The following RNF32 variants were observed in gnomAD, a reference collection of about 807,000 sequenced individuals.
RNF32 encodes ring finger protein 32.
In RNF32, 36 loss-of-function variants were observed where a neutral mutation model predicts 41.0. The ratio of observed to expected loss-of-function variants is 0.88; its 90% confidence interval spans 0.67 to 1.16. The LOEUF (loss-of-function observed/expected upper bound fraction) is 1.16. Ranked by LOEUF, RNF32 falls within the 50% of genes most tolerant of loss-of-function variation. RNF32 has a pLI of 0.00. For synonymous variants in RNF32, 154 were observed against 160.9 expected (o/e 0.96, Z 0.32); for missense variants, 413 against 436.7 (o/e 0.95, Z 0.48).
At position 156,659,586 on chromosome 7, in the gene RNF32, A is replaced by G. The variant is rs115668574; in HGVS notation, c.684+1016A>G. 48 of 957,136 alleles carry G rather than the reference A, an allele frequency of 5.0e-5. No homozygotes were observed. The African/African-American group carries it at 8.1e-4, about 16-fold the overall frequency. The allele number at this position is 957,136 out of a possible 1,614,324, so 59.3% of individuals were successfully genotyped here. On this transcript the variant is annotated intron_variant, in intron 7 of 8. Transcript: ENST00000317955. The stretch of plus-strand genomic sequence containing the variant: ...GTGATTTTTTGTCACCTCTTATACA[A>G]TTTTAATTACAGATTTGATAGTCAT...
chr7:156,653,044 T>G (rs1399942064), intron 3 of RNF32, among the ~76,000 whole-genome samples: 1 of 152,218 alleles, frequency 6.6e-6, no homozygotes, highest in Non-Finnish European at 1.5e-5. Context: ...CTGTTTATGA[T>G]GTCTACAGTG....
rs114138683 is a variant in RNF32, at chr7:156,652,120, C to T, written c.275-2456C>T. 4.2e-3 allele frequency among the ~76,000 whole-genome samples: 643 copies of T among 152,334 alleles called. 8 individuals are homozygous for T. Among genetic ancestry groups the T allele is most frequent in the African/African-American group, 0.015 (618 of 41,574 alleles). On this transcript the variant is annotated intron_variant, in intron 3 of 8. Coordinates refer to ENST00000317955, the MANE Select transcript of RNF32 (RefSeq NM_030936.4). The stretch of plus-strand genomic sequence containing the variant: ...TAACAATGTCTTTGCTCTTTTCTCA[C>T]ATTTGATTGATAGCTAATAAGGAAT...
chr7:156,649,341 T>C (rs4716437), intron 3 of RNF32, among the ~76,000 whole-genome samples: 51,208 of 151,916 alleles, frequency 0.34, 9,349 homozygotes, highest in African/African-American at 0.47. Flanking sequence ...TCTGAGTAAG[T>C]TGATCTCTGC....
At chr7:156,658,278 C>A in intron 6 of RNF32, 26 bp downstream of exon 6, 1 of 1,611,078 alleles carries the variant, frequency 6.2e-7, no homozygotes, top group African/African-American at 1.3e-5. Flanking sequence ...CCGTTTGGCG[C>A]TAAGCAGACA....
Position 156,670,799 on chromosome 7 carries a change from T to C in RNF32, c.685-4897T>C, listed in dbSNP as rs1479978548. On this transcript the variant is annotated intron_variant, in intron 7 of 8. Transcript: ENST00000317955. The surrounding 1 kb of genome is among the most constrained non-coding windows in gnomAD (Gnocchi z 4.3). ...GGCAAAAGAAAAGCCAGACAAAAAG[T>C]GTGCCACTAGAACGTCTTCGTTAAA... is the stretch of plus-strand genomic sequence containing the variant. 6.6e-6 allele frequency among the ~76,000 whole-genome samples: 1 copy of C among 152,150 alleles called. No homozygotes were observed. The highest frequency in any genetic ancestry group is 1.5e-5 in the Non-Finnish European group (1 of 68,030).
At chr7:156,661,614 GCCT>G (rs2131543550) in intron 7 of RNF32, among the ~76,000 whole-genome samples, 1 of 152,268 alleles carries the variant, frequency 6.6e-6, no homozygotes, top group East Asian at 1.9e-4. Flanking sequence ...AGCCACCATG[GCCT>G]GGCCAGGATT....
At chr7:156,655,777 C>G (rs1799573110) in intron 4 of RNF32, among the ~76,000 whole-genome samples, 1 of 152,174 alleles carries the variant, frequency 6.6e-6, no homozygotes, top group African/African-American at 2.4e-5. Flanking sequence ...CACAAATTGT[C>G]TAGGATAATT....
chr7:156,664,739 T>C (rs76371444), intron 7 of RNF32, among the ~76,000 whole-genome samples: 2,815 of 152,284 alleles, frequency 0.018, 88 homozygotes, highest in African/African-American at 0.065. Context: ...GTAAAGAAAG[T>C]CATCATCATC....
chr7:156,655,239 GCA>G (rs57235616), intron 4 of RNF32, among the ~76,000 whole-genome samples: 7,078 of 147,786 alleles, frequency 0.048, 376 homozygotes, highest in East Asian at 0.13. Context: ...ACACGCGCGC[GCA>G]CACACACACA....
intron 1 of RNF32, among the ~76,000 whole-genome samples, chr7:156,643,330 G>A (rs1563064603): frequency 3.3e-5 from 5 of 152,264 alleles, no homozygotes; most frequent in South Asian, 2.1e-4. Flanking sequence ...TTCCTCTTGC[G>A]TTCCAGTTTC....
At chr7:156,642,550 G>A (rs1403695788) in intron 1 of RNF32, among the ~76,000 whole-genome samples, 1 of 152,228 alleles carries the variant, frequency 6.6e-6, no homozygotes, top group Non-Finnish European at 1.5e-5. Context: ...ATCTCTGTGT[G>A]AATACCGTAT....
At position 156,654,591 on chromosome 7, in the gene RNF32, T is replaced by C. The variant is rs775680141; in HGVS notation, c.290T>C (p.Leu97Pro). 1.4e-5 allele frequency: 23 copies of C among 1,614,074 alleles called. No individual in the cohort carries two copies. The highest frequency in any genetic ancestry group is 1.9e-5 in the Non-Finnish European group (23 of 1,179,920). ...CTTACTTTAGCACAGAAGTTGGGCCTCATTGGGCCTCCACCACCTCCACTG... is the reference window on the plus strand; with the variant it reads ...CTTACTTTAGCACAGAAGTTGGGCCCCATTGGGCCTCCACCACCTCCACTG... ...PPLTLAQKLG[L>P]IGPPPPPLSS... Residue 97 changes from leucine to proline, a missense_variant, in exon 4 of 9, where the codon CTC becomes CCC. Physicochemically the swap from Leu to Pro is moderately conservative, Grantham distance 98 (BLOSUM62 -3). Coordinates refer to ENST00000317955, the MANE Select transcript of RNF32 (RefSeq NM_030936.4).
At chr7:156,671,667 C>T (rs151235843) in intron 7 of RNF32, among the ~76,000 whole-genome samples, 12 of 152,220 alleles carry the variant, frequency 7.9e-5, no homozygotes, top group Admixed American at 5.2e-4. Flanking sequence ...GCGGTACAGG[C>T]GGTCCTGTCG....
At chr7:156,675,504 C>A (rs540719540) in intron 7 of RNF32, among the ~76,000 whole-genome samples, 192 bp from the exon 8 acceptor site, 11 of 152,108 alleles carry the variant, frequency 7.2e-5, no homozygotes, top group Non-Finnish European at 1.6e-4. Context: ...GATAGGGGTT[C>A]TTGTGGTCAT....
At chr7:156,659,000 A>C in intron 7 of RNF32, 1 of 1,485,316 alleles carries the variant, frequency 6.7e-7, no homozygotes, top group South Asian at 1.4e-5. Flanking sequence ...CATTGTATTG[A>C]GTACCTCGTG....
chr7:156,657,370 A>G lies in RNF32; in HGVS notation c.418-171A>G, dbSNP rs926249838. 10 of 639,332 alleles carry G rather than the reference A, an allele frequency of 1.6e-5. No homozygotes were observed. In the African/African-American group the frequency reaches 1.8e-4, roughly 12 times the overall value. The allele number at this position is 639,332 out of a possible 1,614,324, so 39.6% of individuals were successfully genotyped here. A position where few individuals can be genotyped will look rare whatever the true frequency, so the allele number is the denominator to read the frequency against. ...CATGAATTTTTGTTATTTAGAGTAT[A>G]TACTTGTGCTGTGCTAAACAAACAA... is the stretch of plus-strand genomic sequence containing the variant. On this transcript the variant is annotated intron_variant, in intron 4 of 8. Transcript: ENST00000317955.
intron 1 of RNF32, among the ~76,000 whole-genome samples, chr7:156,642,079 T>G (rs1797417620): frequency 6.6e-6 from 1 of 152,218 alleles, no homozygotes; most frequent in African/African-American, 2.4e-5. Context: ...CAAGTGTTAG[T>G]CCTTAGAAAT....
At chr7:156,640,287 G>A (rs1471704958), upstream of RNF32, 3 of 449,526 alleles carry the variant, frequency 6.7e-6, no homozygotes, top group Non-Finnish European at 1.3e-5. Context: ...CCCTGGAACG[G>A]GAACGACCAC....
At chr7:156,664,425 C>T (rs1187496912) in intron 7 of RNF32, among the ~76,000 whole-genome samples, 1 of 152,040 alleles carries the variant, frequency 6.6e-6, no homozygotes, top group Non-Finnish European at 1.5e-5. Context: ...CGTGCCATTG[C>T]ACTCCAGCCT....
Sources: gnomAD v4.1 joint callset for allele counts (sites outside exome capture counted in the v4.1 genomes callset) on GRCh38, gnomAD v4.1.1 for gene constraint, Gnocchi (gnomAD v3.1) non-coding constraint, MANE v1.5 for transcripts, NCBI Gene and HGNC (gene_info 2026-07-23, HGNC 2026-07-21) for gene names.